The following SLC35F3 variants were observed in gnomAD, a reference collection of about 807,000 sequenced individuals.
The protein encoded by SLC35F3 is putative thiamine transporter SLC35F3.
In SLC35F3, 25 loss-of-function variants were observed where a neutral mutation model predicts 49.9. The observed-to-expected ratio is 0.50, with a 90% CI of 0.37 to 0.70. The LOEUF (loss-of-function observed/expected upper bound fraction) is 0.70. Among genes scored for constraint, SLC35F3 ranks in the 30% least tolerant of loss-of-function variants. The pLI is 0.00. For missense variants in SLC35F3, 525 were observed against 639.8 expected (o/e 0.82, Z 1.94); for synonymous variants, 275 against 265.4 (o/e 1.04, Z -0.35).
intron 2 of SLC35F3, among the ~76,000 whole-genome samples, chr1:234,060,104 A>G (rs897760619): frequency 6.6e-6 from 1 of 152,198 alleles, no homozygotes; most frequent in African/African-American, 2.4e-5. Flanking sequence ...AAACATACTT[A>G]ATGTTATTTC....
intron 3 of SLC35F3, among the ~76,000 whole-genome samples, chr1:234,295,972 T>C (rs1668586593): frequency 6.6e-6 from 1 of 152,260 alleles, no homozygotes; most frequent in South Asian, 2.1e-4. Flanking sequence ...TGTTGGATCA[T>C]GTGTTATACA....
At chr1:234,062,986 G>T (rs926897345) in intron 2 of SLC35F3, among the ~76,000 whole-genome samples, 3 of 151,938 alleles carry the variant, frequency 2.0e-5, no homozygotes, top group African/African-American at 7.3e-5. Flanking sequence ...ACCATGCCCG[G>T]CCTAGCAAAA....
chr1:233,911,170 A>T (rs2102782138), intron 2 of SLC35F3, among the ~76,000 whole-genome samples: 1 of 152,204 alleles, frequency 6.6e-6, no homozygotes, highest in Non-Finnish European at 1.5e-5. Flanking sequence ...CTGTTAGTTC[A>T]CCCTGAACTG....
chr1:233,985,340 CAG>C (rs1271648592), intron 2 of SLC35F3, among the ~76,000 whole-genome samples: 3 of 152,192 alleles, frequency 2.0e-5, no homozygotes, highest in Admixed American at 6.5e-5. Context: ...GTGCTCCATG[CAG>C]AGTCTTTTTG....
At chr1:233,975,679 A>G (rs1163298129) in intron 2 of SLC35F3, among the ~76,000 whole-genome samples, 1 of 152,200 alleles carries the variant, frequency 6.6e-6, no homozygotes, top group Non-Finnish European at 1.5e-5. Flanking sequence ...GCAACAGGCC[A>G]TCCAGTGAGG....
At chr1:234,131,892 A>T (rs1461066147) in intron 2 of SLC35F3, among the ~76,000 whole-genome samples, 21 of 152,202 alleles carry the variant, frequency 1.4e-4, no homozygotes, top group Admixed American at 1.4e-3. Flanking sequence ...CTCAGCAAAT[A>T]ATAAGCGATA....
chr1:234,323,174 G>C lies in SLC35F3; in HGVS notation c.1404G>C (p.Glu468Asp), dbSNP rs762917094. Residue 468 changes from glutamate to aspartate, a missense_variant, in exon 8 of 8, where the codon GAG becomes GAC. Physicochemically the swap from Glu to Asp is conservative, Grantham distance 45. Around this residue, in one of 4 missense-constraint regions of SLC35F3, gnomAD observed 76 missense variants for 95.6 expected, o/e 0.80. Coordinates refer to ENST00000366618, the MANE Select transcript of SLC35F3 (RefSeq NM_173508.4). This position sits in a 1 kb window ranked among gnomAD's most constrained non-coding sequence, Gnocchi z 4.5. ...LKVRKKEEPAEGAADLSSGPQ... is the reference protein window; with the variant it reads ...LKVRKKEEPADGAADLSSGPQ... ...TGAGGAAGAAGGAGGAGCCTGCAGA[G>C]GGCGCTGCCGACCTGAGCTCAGGAC... 5.5e-5 allele frequency: 88 copies of C among 1,614,040 alleles called. No individual in the cohort carries two copies. Among genetic ancestry groups the C allele is most frequent in the Non-Finnish European group, 7.3e-5 (86 of 1,180,042 alleles).
intron 2 of SLC35F3, among the ~76,000 whole-genome samples, chr1:233,994,287 G>T (rs1178716717): frequency 6.6e-6 from 1 of 152,162 alleles, no homozygotes; most frequent in Admixed American, 6.5e-5. Flanking sequence ...TTTGAGATAG[G>T]TGCTCTTATT....
At chr1:234,298,627 A>G (rs1416154967) in intron 3 of SLC35F3, among the ~76,000 whole-genome samples, 4 of 152,150 alleles carry the variant, frequency 2.6e-5, no homozygotes, top group African/African-American at 9.7e-5. Flanking sequence ...TCTGTGCCCC[A>G]TTCCAGACCT....
intron 2 of SLC35F3, among the ~76,000 whole-genome samples, chr1:234,154,079 A>C (rs1322350764): frequency 6.6e-6 from 1 of 150,532 alleles, no homozygotes; most frequent in Non-Finnish European, 1.5e-5. Context: ...AAAACAAAAA[A>C]CAAAAAACTA....
At chr1:234,114,883 A>G (rs1665462010) in intron 2 of SLC35F3, among the ~76,000 whole-genome samples, 1 of 152,110 alleles carries the variant, frequency 6.6e-6, no homozygotes, top group Non-Finnish European at 1.5e-5. Context: ...TGCGGCGTGC[A>G]TTTTGCCACA....
At chr1:234,291,997 G>A (rs1343664627) in intron 3 of SLC35F3, among the ~76,000 whole-genome samples, 1 of 152,184 alleles carries the variant, frequency 6.6e-6, no homozygotes, top group Non-Finnish European at 1.5e-5. Flanking sequence ...TAGCTCCAGG[G>A]AAACCATAGC....
chr1:233,950,291 C>G (rs1558187099), intron 2 of SLC35F3, among the ~76,000 whole-genome samples: 1 of 140,758 alleles, frequency 7.1e-6, no homozygotes, highest in Non-Finnish European at 1.5e-5. Flanking sequence ...GAGGCTGAGG[C>G]AGGAGAATGA....
At chr1:234,281,942 AGCAC>A (rs1238338548) in intron 3 of SLC35F3, among the ~76,000 whole-genome samples, 1 of 152,144 alleles carries the variant, frequency 6.6e-6, no homozygotes, top group Non-Finnish European at 1.5e-5. Context: ...GGGAGCAAGG[AGCAC>A]GCAATGGCTG....
At chr1:234,048,224 G>T (rs779961976) in intron 2 of SLC35F3, among the ~76,000 whole-genome samples, 8 of 152,098 alleles carry the variant, frequency 5.3e-5, no homozygotes, top group Non-Finnish European at 1.0e-4. Context: ...ATTGAAAGAA[G>T]TGGTAAGCAA....
Position 234,214,136 on chromosome 1 carries a change from C to T in SLC35F3, c.284-17281C>T. 9.5e-7 allele frequency: 1 copy of T among 1,048,214 alleles called. No individual in the cohort carries two copies. The highest frequency in any genetic ancestry group is 1.7e-5 in the African/African-American group (1 of 59,224). The allele number at this position is 1,048,214 out of a possible 1,614,324, so 64.9% of individuals were successfully genotyped here. ...GCTGGGAGGAAGACAGGGATGAGGG[C>T]TGCGGGGCTGGGCGTCCCGGGGAGG... On this transcript the variant is annotated intron_variant, in intron 2 of 7. Transcript: ENST00000366618. The surrounding 1 kb of genome is among the most constrained non-coding windows in gnomAD (Gnocchi z 8.0).
intron 2 of SLC35F3, among the ~76,000 whole-genome samples, chr1:233,995,208 C>T (rs139879042): frequency 1.3e-5 from 2 of 152,302 alleles, no homozygotes; most frequent in East Asian, 1.9e-4. Context: ...ATGTGTAAAA[C>T]ATATCCTTGA....
At chr1:234,239,337 C>T (rs996634664) in intron 3 of SLC35F3, among the ~76,000 whole-genome samples, 1 of 152,152 alleles carries the variant, frequency 6.6e-6, no homozygotes, top group African/African-American at 2.4e-5. Flanking sequence ...AGGATGTAAC[C>T]AGTATGCTCA....
At chr1:234,068,358 C>CA (rs1392920308) in intron 2 of SLC35F3, among the ~76,000 whole-genome samples, 1 of 152,168 alleles carries the variant, frequency 6.6e-6, no homozygotes, top group Non-Finnish European at 1.5e-5. Context: ...CAACTGCTGT[C>CA]AGCCAGATGC....
Sources: allele counts gnomAD v4.1 joint callset (sites outside exome capture counted in the v4.1 genomes callset), GRCh38; gene constraint gnomAD v4.1.1; regional missense constraint gnomAD v4.1.1; non-coding constraint Gnocchi (gnomAD v3.1); transcripts MANE v1.5; gene names NCBI Gene and HGNC (gene_info 2026-07-23, HGNC 2026-07-21).